Variants in ZDHHC11 observed in about 807,000 individuals in gnomAD.
ZDHHC11 encodes zDHHC palmitoyltransferase 11.
A neutral mutation model predicts 51.3 loss-of-function variants in ZDHHC11; 44 were observed. The ratio of observed to expected loss-of-function variants is 0.86; its 90% CI spans 0.67 to 1.10. ZDHHC11 has a LOEUF of 1.10. Among genes scored for constraint, ZDHHC11 ranks in the 50% least tolerant of loss-of-function variants. ZDHHC11 has a pLI of 0.00. For synonymous variants in ZDHHC11, 163 were observed against 222.0 expected (o/e 0.73, Z 2.36); for missense variants, 400 against 537.7 (o/e 0.74, Z 2.53).
Position 801,818 on chromosome 5 carries a change from A to G in ZDHHC11, c.1182-654T>C, listed in dbSNP as rs545579195. On this transcript the variant is annotated intron_variant, in intron 11 of 12. Transcript: ENST00000283441. ...TGCTTTGAAAGATTTTGAAAGACCCACAAGCAAAATAGTCACTAGGAGACT... is the reference window on the plus strand; with the variant it reads ...TGCTTTGAAAGATTTTGAAAGACCCGCAAGCAAAATAGTCACTAGGAGACT... Among the ~76,000 whole-genome samples, 4 of 151,414 alleles carry G rather than the reference A, an allele frequency of 2.6e-5. No homozygotes were observed. In the East Asian group the frequency reaches 7.7e-4, roughly 29 times the overall value.
rs149904710 is a variant in ZDHHC11, at chr5:819,235, G to A, written c.1146+290C>T. On this transcript the variant is annotated intron_variant, in intron 10 of 12. Coordinates refer to ENST00000283441, the MANE Select transcript of ZDHHC11 (RefSeq NM_024786.3). ...CACTGCATGTTCTGGGCACTTCAGA[G>A]CCTGCCCTGGGCATCTGCCCATCAC... Among the ~76,000 whole-genome samples the A allele has an allele frequency of 1.4e-3, 219 of 151,644 alleles. 5 individuals carry two copies. The highest frequency in any genetic ancestry group is 2.5e-3 in the Non-Finnish European group (169 of 67,732).
chr5:828,334 C>A (rs944894868), intron 7 of ZDHHC11, among the ~76,000 whole-genome samples: 1 of 151,220 alleles, frequency 6.6e-6, no homozygotes, highest in Non-Finnish European at 1.5e-5. Flanking sequence ...CACCCCCCAC[C>A]TCCCAGATGC....
chr5:836,550 C>G (rs1296648498), intron 6 of ZDHHC11, among the ~76,000 whole-genome samples: 1 of 149,708 alleles, frequency 6.7e-6, no homozygotes, highest in African/African-American at 2.5e-5. Flanking sequence ...CTGAAAGAGT[C>G]TGTGTGTAGG....
chr5:854,035 C>A (rs1228962798), upstream of ZDHHC11, among the ~76,000 whole-genome samples: 2 of 149,146 alleles, frequency 1.3e-5, no homozygotes, highest in East Asian at 4.0e-4. Context: ...GGGGACAGAC[C>A]GCACAGAGGA....
chr5:859,031 C>T (rs1750600053), upstream of ZDHHC11, among the ~76,000 whole-genome samples: 1 of 152,012 alleles, frequency 6.6e-6, no homozygotes, highest in Non-Finnish European at 1.5e-5. Flanking sequence ...GGGCGCCTCA[C>T]AAAGCCATGG....
intron 12 of ZDHHC11, among the ~76,000 whole-genome samples, chr5:797,841 T>C (rs1480083838): frequency 6.6e-6 from 1 of 150,852 alleles, no homozygotes; most frequent in African/African-American, 2.4e-5. Context: ...CTTTGTAGTT[T>C]TATTTTTGAG....
At chr5:837,865 G>C (rs1428471811) in intron 5 of ZDHHC11, among the ~76,000 whole-genome samples, 2 of 151,950 alleles carry the variant, frequency 1.3e-5, no homozygotes, top group African/African-American at 2.4e-5. Context: ...GCTGGCAGGG[G>C]TAAGAGACCA....
In ZDHHC11 at chr5:821,729, C is replaced by A. The variant is rs1484758718; in HGVS notation, c.1058+132G>T. 12 of 896,914 alleles carry A rather than the reference C, an allele frequency of 1.3e-5. No individual in the cohort carries two copies. The African/African-American group carries it at 1.7e-4, about 13-fold the overall frequency. 55.6% of individuals were successfully genotyped at this position (896,914 alleles called of 1,614,324 possible). A position where few individuals can be genotyped will look rare whatever the true frequency, so the allele number is the denominator to read the frequency against. ...CAGTTTTGCTGCTCTCTCGAAAGTG[C>A]CACCTCCTGGCACTTCAGGATATTT... On this transcript the variant is annotated intron_variant, in intron 9 of 12. Transcript: ENST00000283441.
intron 7 of ZDHHC11, among the ~76,000 whole-genome samples, chr5:828,374 C>T (rs1742603914): frequency 6.7e-6 from 1 of 149,328 alleles, no homozygotes; most frequent in Non-Finnish European, 1.5e-5. Context: ...GTGCCCCCCA[C>T]CTCCCTCCTG....
intron 3 of ZDHHC11, among the ~76,000 whole-genome samples, chr5:846,486 G>A (rs868826003): frequency 6.1e-5 from 9 of 148,580 alleles, no homozygotes; most frequent in African/African-American, 2.0e-4. Flanking sequence ...AGCCTCCACC[G>A]TGCTCAGGGG....
intron 4 of ZDHHC11, chr5:841,201 T>G: frequency 9.6e-7 from 1 of 1,045,254 alleles, no homozygotes. Flanking sequence ...CACCCCTTCC[T>G]AAGTGCTGGG....
intron 1 of ZDHHC11, among the ~76,000 whole-genome samples, chr5:849,226 T>C (rs1267703166): frequency 6.6e-6 from 1 of 152,084 alleles, no homozygotes; most frequent in African/African-American, 2.4e-5. Flanking sequence ...CGTGCCCCTT[T>C]TGGTTCATCC....
chr5:821,572 A>G (rs1448121530), intron 9 of ZDHHC11, among the ~76,000 whole-genome samples: 4 of 151,252 alleles, frequency 2.6e-5, no homozygotes, highest in African/African-American at 4.8e-5. Context: ...CCACCAGGAC[A>G]GAGAACAGCA....
Position 850,437 on chromosome 5 carries a change from T to C in ZDHHC11, c.166A>G (p.Thr56Ala). 3.1e-6 allele frequency: 5 copies of C among 1,613,540 alleles called. No individual in the cohort carries two copies. The highest frequency in any genetic ancestry group is 4.2e-6 in the Non-Finnish European group (5 of 1,179,988). Residue 56 changes from threonine (T) to alanine (A), a missense_variant, in exon 1 of 13, where the codon ACC (threonine) becomes GCC (alanine). Thr to Ala is a moderately conservative substitution (Grantham distance 58, BLOSUM62 0). Around this residue, in one of 5 missense-constraint regions of ZDHHC11, gnomAD observed 119 missense variants for 99.6 expected, o/e 1.20. Transcript: ENST00000283441. ...AGGAAGGGAATGAAGATCCCGAAGGTGGCCGAGGAAAGGCCCACGAAGACA... is the reference window on the plus strand; with the variant it reads ...AGGAAGGGAATGAAGATCCCGAAGGCGGCCGAGGAAAGGCCCACGAAGACA... ...WAVFVGLSSATFGIFIPFLPH... is the reference protein window; with the variant it reads ...WAVFVGLSSAAFGIFIPFLPH...
chr5:812,700 A>G (rs1212018681), intron 11 of ZDHHC11, among the ~76,000 whole-genome samples: 1 of 151,466 alleles, frequency 6.6e-6, no homozygotes, highest in Non-Finnish European at 1.5e-5. Context: ...GAAACAAAAC[A>G]ATATTGTCAG....
At chr5:809,203 C>T (rs2150306357) in intron 11 of ZDHHC11, among the ~76,000 whole-genome samples, 1 of 143,642 alleles carries the variant, frequency 7.0e-6, no homozygotes, top group South Asian at 2.3e-4. Context: ...GTCTGCCCAT[C>T]ACTCTGGTCT....
chr5:845,537 C>T (rs1381889153), intron 3 of ZDHHC11, among the ~76,000 whole-genome samples: 1 of 152,206 alleles, frequency 6.6e-6, no homozygotes, highest in Non-Finnish European at 1.5e-5. Flanking sequence ...CACAGTCTTC[C>T]CAGGACACCA....
chr5:857,076 C>T (rs1330224839), intron 1 of ZDHHC11, among the ~76,000 whole-genome samples: 1 of 152,142 alleles, frequency 6.6e-6, no homozygotes, highest in Non-Finnish European at 1.5e-5. Context: ...CCACACAATG[C>T]ACACACACTC....
chr5:827,428 TAC>T (rs1231747884), intron 7 of ZDHHC11, among the ~76,000 whole-genome samples: 4 of 151,316 alleles, frequency 2.6e-5, no homozygotes, highest in African/African-American at 9.7e-5. Context: ...TTCTAAAAAA[TAC>T]AGAGTGGAAG....
Sources: allele counts gnomAD v4.1 joint callset (sites outside exome capture counted in the v4.1 genomes callset), GRCh38; gene constraint gnomAD v4.1.1; regional missense constraint gnomAD v4.1.1; transcripts MANE v1.5; gene names NCBI Gene and HGNC (gene_info 2026-07-23, HGNC 2026-07-21).